Variants in SGCZ observed in about 807,000 individuals in gnomAD.
The protein encoded by SGCZ is sarcoglycan zeta, also known as zeta-sarcoglycan.
In SGCZ, 40 loss-of-function variants were observed where a neutral mutation model predicts 41.3. The observed-to-expected ratio is 0.97, with a 90% CI of 0.75 to 1.26. SGCZ has a LOEUF of 1.26. Among genes scored for constraint, SGCZ ranks in the 50% most tolerant of loss-of-function variants. The pLI is 0.00. For synonymous variants in SGCZ, 206 were observed against 137.5 expected, an observed-to-expected ratio of 1.50 and a Z score of -3.49; for missense variants, 552 against 369.8, an observed-to-expected ratio of 1.49 and a Z score of -4.04.
At chr8:14,328,673 T>G (rs879922710) in intron 2 of SGCZ, among the ~76,000 whole-genome samples, 20 of 152,184 alleles carry the variant, frequency 1.3e-4, no homozygotes, top group Non-Finnish European at 2.5e-4. Context: ...CTACACCAAA[T>G]TTCATATCAT....
At chr8:15,198,292 G>A (rs1224522000) in intron 1 of SGCZ, among the ~76,000 whole-genome samples, 1 of 151,798 alleles carries the variant, frequency 6.6e-6, no homozygotes, top group Non-Finnish European at 1.5e-5. Context: ...GATCAGTTAT[G>A]CATTGTACAT....
In SGCZ at chr8:15,000,803, C is replaced by A. The variant is rs115360637; in HGVS notation, c.39+236782G>T. Among the ~76,000 whole-genome samples, 1,222 of 152,270 alleles carry A rather than the reference C, an allele frequency of 8.0e-3. 24 individuals are homozygous for A. Among genetic ancestry groups the A allele is most frequent in the African/African-American group, 0.028 (1,146 of 41,534 alleles). ...CCTGCCTATAAAATCTGCTGCAGTC[C>A]GCCATCTACCCGCTTTTTGGATGTC... On this transcript the variant is annotated intron_variant, in intron 1 of 7. Transcript: ENST00000382080.
chr8:14,717,314 C>A (rs1424144307), intron 1 of SGCZ, among the ~76,000 whole-genome samples: 1 of 152,056 alleles, frequency 6.6e-6, no homozygotes, highest in Admixed American at 6.6e-5. Context: ...TGTTAAGGTA[C>A]AATACCAGGA....
At chr8:15,165,720 G>C (rs1263872823) in intron 1 of SGCZ, among the ~76,000 whole-genome samples, 1 of 152,200 alleles carries the variant, frequency 6.6e-6, no homozygotes, top group Non-Finnish European at 1.5e-5. Context: ...AGAAGGTATG[G>C]AAATGTAACC....
At chr8:14,218,266 A>G (rs1204066930) in intron 4 of SGCZ, among the ~76,000 whole-genome samples, 1 of 152,222 alleles carries the variant, frequency 6.6e-6, no homozygotes, top group Non-Finnish European at 1.5e-5. Flanking sequence ...TCAATATAAC[A>G]CTTTTGCATT....
At chr8:14,642,549 C>T (rs566352404) in intron 1 of SGCZ, among the ~76,000 whole-genome samples, 1 of 151,502 alleles carries the variant, frequency 6.6e-6, no homozygotes, top group South Asian at 2.1e-4. Flanking sequence ...TAGTTTAACA[C>T]TCTCAGTGAG....
intron 1 of SGCZ, among the ~76,000 whole-genome samples, chr8:14,600,140 T>G (rs767427090): frequency 6.6e-6 from 1 of 152,086 alleles, no homozygotes; most frequent in Non-Finnish European, 1.5e-5. Context: ...CCTTCTTCCA[T>G]GGTTTCTTTA....
Position 14,090,539 on chromosome 8 carries a change from A to G in SGCZ, c.843T>C (p.Tyr281=), listed in dbSNP as rs777486176. Residue 281 remains tyrosine, a synonymous_variant, in exon 8 of 8, where the codon TAT becomes TAC. Transcript: ENST00000382080. Reference sequence around the variant, plus strand: ...TGCCATTGGGGCAGACGCAGAGTTCATACACTGTCTGTCGAGAACTTGAGG... The same window carrying G: ...TGCCATTGGGGCAGACGCAGAGTTCGTACACTGTCTGTCGAGAACTTGAGG... ...PSSSSSRQTV[Y]ELCVCPNGKL... The G allele has an allele frequency of 2.5e-6, 4 of 1,613,176 alleles. No homozygotes were observed. Among genetic ancestry groups the G allele is most frequent in the African/African-American group, 2.7e-5 (2 of 74,980 alleles).
chr8:14,118,370 T>G (rs13264723), intron 5 of SGCZ, among the ~76,000 whole-genome samples: 1 of 151,768 alleles, frequency 6.6e-6, no homozygotes, highest in Non-Finnish European at 1.5e-5. Flanking sequence ...ATGTCTTCTT[T>G]TGAGAAGTGT....
chr8:14,582,576 T>C (rs1470316310), intron 1 of SGCZ, among the ~76,000 whole-genome samples: 2 of 151,158 alleles, frequency 1.3e-5, no homozygotes, highest in African/African-American at 4.9e-5. Context: ...TAGTTACATA[T>C]GTATACATGT....
chr8:14,509,788 T>C (rs1802415534), intron 2 of SGCZ, among the ~76,000 whole-genome samples: 1 of 152,050 alleles, frequency 6.6e-6, no homozygotes, highest in Non-Finnish European at 1.5e-5. Flanking sequence ...AGACTTACAA[T>C]CATGGCAGAA....
chr8:14,691,923 GT>G (rs1808812382), intron 1 of SGCZ, among the ~76,000 whole-genome samples: 2 of 151,758 alleles, frequency 1.3e-5, no homozygotes, highest in African/African-American at 4.8e-5. Flanking sequence ...TTGTGTTCTT[GT>G]TTTTTCAAAA....
At chr8:14,440,480 T>G (rs368976269) in intron 2 of SGCZ, among the ~76,000 whole-genome samples, 1 of 152,132 alleles carries the variant, frequency 6.6e-6, no homozygotes, top group South Asian at 2.1e-4. Flanking sequence ...TCGTTTCCTG[T>G]GTGTTTACCA....
intron 1 of SGCZ, among the ~76,000 whole-genome samples, chr8:14,975,178 T>C (rs1801423960): frequency 6.6e-6 from 1 of 152,082 alleles, no homozygotes; most frequent in African/African-American, 2.4e-5. Flanking sequence ...TGGTGGCGGC[T>C]GCCTGTAGCC....
In SGCZ at chr8:15,039,271, C is replaced by A. The variant is rs575797713; in HGVS notation, c.39+198314G>T. ...GGATGAATAAAGAAAATGTAGTATA[C>A]AATGGAATACTATCCACTCTTAAAA... On this transcript the variant is annotated intron_variant, in intron 1 of 7. Coordinates refer to ENST00000382080, the MANE Select transcript of SGCZ (RefSeq NM_139167.4). Among the ~76,000 whole-genome samples, 6 of 152,202 alleles carry A rather than the reference C, an allele frequency of 3.9e-5. No individual in the cohort carries two copies. In the East Asian group the frequency reaches 1.2e-3, roughly 29 times the overall value.
intron 3 of SGCZ, among the ~76,000 whole-genome samples, chr8:14,293,170 A>G (rs1032352571): frequency 6.6e-6 from 1 of 152,050 alleles, no homozygotes; most frequent in African/African-American, 2.4e-5. Flanking sequence ...ATAAAAACCA[A>G]AAGAATATGT....
At chr8:14,680,189 T>C (rs1389982060) in intron 1 of SGCZ, among the ~76,000 whole-genome samples, 2 of 151,904 alleles carry the variant, frequency 1.3e-5, no homozygotes, top group East Asian at 3.9e-4. Context: ...TTGCAAGAGG[T>C]GAAGTGGAGG....
chr8:15,066,200 G>T (rs570810566), intron 1 of SGCZ, among the ~76,000 whole-genome samples: 1 of 151,636 alleles, frequency 6.6e-6, no homozygotes, highest in Non-Finnish European at 1.5e-5. Flanking sequence ...CCCAGCTACT[G>T]GGGAGGCTGA....
intron 2 of SGCZ, among the ~76,000 whole-genome samples, chr8:14,447,382 A>T (rs917508170): frequency 6.6e-6 from 1 of 152,168 alleles, no homozygotes; most frequent in Non-Finnish European, 1.5e-5. Flanking sequence ...TTGGGTAAAA[A>T]ATTCAACTTA....
Sources: allele counts gnomAD v4.1 joint callset (sites outside exome capture counted in the v4.1 genomes callset), GRCh38; gene constraint gnomAD v4.1.1; transcripts MANE v1.5; gene names NCBI Gene and HGNC (gene_info 2026-07-23, HGNC 2026-07-21).